Variants in OLFML2B observed in about 807,000 individuals in gnomAD.
OLFML2B encodes olfactomedin-like protein 2B.
Under a neutral mutation model 74.9 loss-of-function variants are expected in OLFML2B, and 57 were observed. That is an observed-to-expected ratio of 0.76 (90% confidence interval 0.61 to 0.95). The LOEUF (loss-of-function observed/expected upper bound fraction) is 0.95, where lower values mean the gene tolerates loss of function less well. Ranked by LOEUF, OLFML2B falls within the 40% of genes least tolerant of loss-of-function variation. The probability of loss-of-function intolerance (pLI) is 0.00; values close to 1 mark genes in which losing one functional copy is unlikely to be tolerated. For synonymous variants in OLFML2B, 388 were observed against 405.8 expected (o/e 0.96, Z 0.53); for missense variants, 986 against 970.6 (o/e 1.02, Z -0.21).
In OLFML2B at chr1:162,003,443, G is replaced by A. The variant is rs185107204; in HGVS notation, c.723+2854C>T. ...CTCAGGGAAGGGTGGGAACTGCAGT[G>A]CTTTCTCCCAGCCAAGGAGATGGAG... On this transcript the variant is annotated intron_variant, in intron 4 of 7. Coordinates refer to ENST00000294794, the MANE Select transcript of OLFML2B (RefSeq NM_015441.3). Among the ~76,000 whole-genome samples the A allele has an allele frequency of 1.1e-3, 165 of 152,332 alleles. 1 individual carries two copies. Among genetic ancestry groups the A allele is most frequent in the African/African-American group, 3.8e-3 (160 of 41,584 alleles).
intron 4 of OLFML2B, among the ~76,000 whole-genome samples, chr1:162,003,930 G>A (rs1269831589): frequency 6.6e-6 from 1 of 152,226 alleles, no homozygotes; most frequent in African/African-American, 2.4e-5. Context: ...TGGTGGGGAA[G>A]GATTGTGCTA....
chr1:162,021,400 G>T (rs1279646263), intron 1 of OLFML2B, among the ~76,000 whole-genome samples: 1 of 152,196 alleles, frequency 6.6e-6, no homozygotes, highest in African/African-American at 2.4e-5. Flanking sequence ...CCCCAACTCT[G>T]GGCGCTTGCT....
chr1:161,991,430 T>A (rs528358692), intron 6 of OLFML2B, among the ~76,000 whole-genome samples: 1 of 152,262 alleles, frequency 6.6e-6, no homozygotes, highest in East Asian at 1.9e-4. Context: ...CAAAGAGCAG[T>A]CATATTTTTA....
Position 161,983,458 on chromosome 1 carries a change from A to G in OLFML2B, c.*217T>C, listed in dbSNP as rs1284628615. On this transcript the variant is annotated 3_prime_UTR_variant, in exon 8 of 8. Coordinates refer to ENST00000294794, the MANE Select transcript of OLFML2B (RefSeq NM_015441.3). ...AGGAGAAGTTCATTTGCACAAAAAT[A>G]TAAACTGGGGAGGATGAGACCAGCA... The G allele has an allele frequency of 6.9e-6, 3 of 435,476 alleles. No homozygotes were observed. The highest frequency in any genetic ancestry group is 7.7e-5 in the East Asian group (2 of 25,914). 27.0% of individuals were successfully genotyped at this position (435,476 alleles called of 1,614,324 possible). A position where few individuals can be genotyped will look rare whatever the true frequency, so the allele number is the denominator to read the frequency against.
intron 6 of OLFML2B, 59 bp downstream of exon 6, chr1:161,997,766 C>A: frequency 6.6e-7 from 1 of 1,519,636 alleles, no homozygotes; most frequent in South Asian, 1.3e-5. Flanking sequence ...AAGATATTTC[C>A]AGGCTCAGCC....
In OLFML2B at chr1:161,984,958, GGA is replaced by G. The variant is rs769230481; in HGVS notation, c.1495_1496del (p.Ser499HisfsTer15). ...NVIGRCKDTLSTITGPTTQNT... is the reference protein window; with the variant it reads ...NVIGRCKDTLXTITGPTTQNT... ...TCTGGGTGGTCGGCCCCGTGATTGT[GGA>G]GAGAGTGTCCTTGCACCTTCCTGGT... On this transcript the variant is annotated frameshift_variant, in exon 7 of 8. Transcript: ENST00000294794. LOFTEE classifies it high-confidence loss of function. 6.2e-6 allele frequency: 10 copies of G among 1,610,276 alleles called. No homozygotes were observed. In the South Asian group the frequency reaches 9.9e-5, roughly 16 times the overall value.
intron 6 of OLFML2B, among the ~76,000 whole-genome samples, chr1:161,992,086 T>TA (rs1689757846): frequency 6.6e-6 from 1 of 152,240 alleles, no homozygotes; most frequent in South Asian, 2.1e-4. Flanking sequence ...TGTTGTTTAG[T>TA]GTAGCCACCT....
chr1:162,001,742 G>T (rs1355990867), intron 4 of OLFML2B, among the ~76,000 whole-genome samples: 1 of 152,178 alleles, frequency 6.6e-6, no homozygotes, highest in African/African-American at 2.4e-5. Context: ...TGTAGACTAT[G>T]GGAATCTGAA....
At position 161,994,355 on chromosome 1, in the gene OLFML2B, C is replaced by T. The variant is rs570781247; in HGVS notation, c.1474+3470G>A. Among the ~76,000 whole-genome samples, 28 of 152,372 alleles carry T rather than the reference C, an allele frequency of 1.8e-4. 1 individual carries two copies. The highest frequency in any genetic ancestry group is 5.5e-4 in the African/African-American group (23 of 41,592). On this transcript the variant is annotated intron_variant, in intron 6 of 7. Coordinates refer to ENST00000294794, the MANE Select transcript of OLFML2B (RefSeq NM_015441.3). ...ATGGTCGGCACAGCTGGCCAAGCCT[C>T]GGGGTGGTTACAGTCATCTGCTTTG... is the stretch of plus-strand genomic sequence containing the variant.
chr1:161,999,840 G>A (rs1393058506), intron 5 of OLFML2B, among the ~76,000 whole-genome samples: 1 of 152,164 alleles, frequency 6.6e-6, no homozygotes, highest in Non-Finnish European at 1.5e-5. Flanking sequence ...CAAATGGGGA[G>A]GACTGTACTG....
chr1:161,994,256 C>T (rs1156906663), intron 6 of OLFML2B, among the ~76,000 whole-genome samples: 3 of 152,250 alleles, frequency 2.0e-5, no homozygotes, highest in Admixed American at 2.0e-4. Context: ...CAGCCCACGT[C>T]AGCATCGCCT....
chr1:161,994,198 G>A (rs1238609459), intron 6 of OLFML2B, among the ~76,000 whole-genome samples: 2 of 152,234 alleles, frequency 1.3e-5, no homozygotes, highest in African/African-American at 4.8e-5. Flanking sequence ...GGAGCTGCCT[G>A]TCTAGTGACT....
At chr1:162,014,368 AATGAAGTTTCC>A (rs1319150526) in intron 3 of OLFML2B, among the ~76,000 whole-genome samples, 1 of 152,146 alleles carries the variant, frequency 6.6e-6, no homozygotes, top group Non-Finnish European at 1.5e-5. Flanking sequence ...TTCATCTGCA[AATGAAGTTTCC>A]ATTCCTACCT....
chr1:161,983,448 G>T lies in OLFML2B; in HGVS notation c.*227C>A. On this transcript the variant is annotated 3_prime_UTR_variant, in exon 8 of 8. Coordinates refer to ENST00000294794, the MANE Select transcript of OLFML2B (RefSeq NM_015441.3). Reference sequence around the variant, plus strand: ...ACTGGTCAAAAGGAGAAGTTCATTTGCACAAAAATATAAACTGGGGAGGAT... The same window carrying T: ...ACTGGTCAAAAGGAGAAGTTCATTTTCACAAAAATATAAACTGGGGAGGAT... The T allele has an allele frequency of 2.4e-6, 1 of 411,102 alleles. No individual in the cohort carries two copies. The highest frequency in any genetic ancestry group is 2.0e-5 in the African/African-American group (1 of 49,216). The allele number at this position is 411,102 out of a possible 1,614,324, so 25.5% of individuals were successfully genotyped here. A position where few individuals can be genotyped will look rare whatever the true frequency, so the allele number is the denominator to read the frequency against.
At position 162,006,489 on chromosome 1, in the gene OLFML2B, A is replaced by AT; in HGVS notation, c.547-17_547-16insA. On this transcript the variant is annotated splice_polypyrimidine_tract_variant and intron_variant, in intron 3 of 7. Transcript: ENST00000294794. ...TAGACACTTCCTGAGAAGGAAAAAA[A>AT]AAAGATGATCCATTAAAGCACCCTG... 1 of 1,557,252 alleles carries AT rather than the reference A, an allele frequency of 6.4e-7. No homozygotes were observed. Among genetic ancestry groups the AT allele is most frequent in the East Asian group, 2.2e-5 (1 of 44,468 alleles).
chr1:161,998,451 T>G, intron 5 of OLFML2B, 102 bp from the exon 6 acceptor site: 1 of 1,315,674 alleles, frequency 7.6e-7, no homozygotes, highest in Non-Finnish European at 1.0e-6. Context: ...GTGCCTTTCC[T>G]TAACACGACG....
chr1:161,986,441 G>A (rs1357865535), intron 6 of OLFML2B, among the ~76,000 whole-genome samples: 1 of 152,210 alleles, frequency 6.6e-6, no homozygotes, highest in East Asian at 1.9e-4. Context: ...GATGGAAGAG[G>A]CATGAACACT....
chr1:162,009,192 C>T (rs1690310055), intron 3 of OLFML2B, among the ~76,000 whole-genome samples: 1 of 143,588 alleles, frequency 7.0e-6, no homozygotes, highest in South Asian at 2.2e-4. Flanking sequence ...AAGTGCTCTG[C>T]AGAAACTCTG....
chr1:162,017,232 C>A (rs1690564576), intron 3 of OLFML2B, among the ~76,000 whole-genome samples, 168 bp downstream of exon 3: 1 of 152,204 alleles, frequency 6.6e-6, no homozygotes, highest in Non-Finnish European at 1.5e-5. Context: ...TTGTCACCAA[C>A]AATTTGGCAT....
Sources: gnomAD v4.1 joint callset for allele counts (sites outside exome capture counted in the v4.1 genomes callset) on GRCh38, gnomAD v4.1.1 for gene constraint, MANE v1.5 for transcripts, NCBI Gene and HGNC (gene_info 2026-07-23, HGNC 2026-07-21) for gene names.